CLCNKB: variants seen among roughly 807,000 people sequenced by gnomAD.
The protein encoded by CLCNKB is chloride voltage-gated channel Kb, also known as chloride channel protein ClC-Kb.
Under a neutral mutation model 83.8 loss-of-function variants are expected in CLCNKB, and 74 were observed. That is an observed-to-expected ratio of 0.88 (90% CI 0.73 to 1.07). CLCNKB has a LOEUF of 1.07. CLCNKB is among the 50% of genes least tolerant of loss of function. CLCNKB has a pLI of 0.00. For missense variants in CLCNKB, 798 were observed against 893.6 expected, an observed-to-expected ratio of 0.89 and a Z score of 1.36; for synonymous variants, 358 against 356.6, an observed-to-expected ratio of 1.00 and a Z score of -0.04.
Position 16,053,772 on chromosome 1 carries a change from G to T in CLCNKB, c.1756G>T (p.Glu586Ter). The T allele has an allele frequency of 6.2e-7, 1 of 1,613,762 alleles. No individual in the cohort carries two copies. Residue 586 changes from glutamate to a stop codon, truncating the protein, a stop_gained and splice_region_variant, in exon 16 of 20, where the codon GAG becomes TAG. Transcript: ENST00000375679. LOFTEE classifies it high-confidence loss of function. ...VAKYPLVEST[E>*]SQILVGIVRR... ...CAAGTATCCCCTGGTGGAGAGCACA[G>T]GTGCCCAGCCGGAAGGGAGGAGGAA... is the stretch of plus-strand genomic sequence containing the variant.
intron 8 of CLCNKB, 138 bp from the exon 9 acceptor site, chr1:16,049,480 T>C (rs1570335134): frequency 1.3e-6 from 2 of 1,518,984 alleles, no homozygotes; most frequent in Non-Finnish European, 9.0e-7. Context: ...AGGAGCCTGG[T>C]TGTGGGGGCC....
Position 16,045,571 on chromosome 1 carries a change from G to T in CLCNKB, c.114G>T (p.Trp38Cys). 1 of 1,613,686 alleles carries T rather than the reference G, an allele frequency of 6.2e-7. No homozygotes were observed. The highest frequency in any genetic ancestry group is 8.5e-7 in the Non-Finnish European group (1 of 1,179,694). The change falls in exon 3 of 20, where the codon TGG becomes TGT. Residue 38 changes from tryptophan to cysteine, a missense_variant. By Grantham distance (215) the Trp-to-Cys change is radical. Transcript: ENST00000375679. ...IRRGIRGGLEWLKQKLFRLGE... is the reference protein window; with the variant it reads ...IRRGIRGGLECLKQKLFRLGE... ...GCCCTGCCCCAGGTGGCCTGGAGTG[G>T]CTGAAGCAGAAGCTCTTCCGCCTGG...
chr1:16,046,710 C>T, intron 4 of CLCNKB, 47 bp downstream of exon 4: 1 of 1,607,148 alleles, frequency 6.2e-7, no homozygotes, highest in African/African-American at 1.3e-5. Flanking sequence ...AAAACCTTCT[C>T]AGATCCCAGG....
chr1:16,055,803 G>T (rs762898246), intron 18 of CLCNKB, 45 bp downstream of exon 18: 2 of 1,573,036 alleles, frequency 1.3e-6, no homozygotes, highest in Admixed American at 1.7e-5. Flanking sequence ...GCCTCTGGGT[G>T]GGGGAAGAGC....
rs757576433 is a variant in CLCNKB, at chr1:16,048,041, A to G, written c.495A>G (p.Lys165=). Residue 165 remains lysine (K), a synonymous_variant, in exon 5 of 20, where the codon AAA becomes AAG. Transcript: ENST00000375679. The part of the protein sequence containing the change: ...LACGSTLFLG[K]VGPFVHLSVM... Reference sequence around the variant, plus strand: ...GTGGCAGCACCCTCTTCCTCGGGAAAGTGGTATGGGCAGGGGTGAGGGCAT... The same window carrying G: ...GTGGCAGCACCCTCTTCCTCGGGAAGGTGGTATGGGCAGGGGTGAGGGCAT... 3 of 1,613,400 alleles carry G rather than the reference A, an allele frequency of 1.9e-6. No individual in the cohort carries two copies. The highest frequency in any genetic ancestry group is 2.5e-6 in the Non-Finnish European group (3 of 1,179,664).
intron 18 of CLCNKB, 136 bp from the exon 19 acceptor site, chr1:16,056,286 T>G: frequency 1.1e-6 from 1 of 930,420 alleles, no homozygotes; most frequent in Non-Finnish European, 1.8e-6. Context: ...ACATTGGACA[T>G]TGCAGGCCTG....
chr1:16,056,380 G>T (rs2023440353), intron 18 of CLCNKB, 42 bp from the exon 19 acceptor site: 1 of 1,597,156 alleles, frequency 6.3e-7, no homozygotes, highest in Non-Finnish European at 8.6e-7. Flanking sequence ...GGTGGGCTGG[G>T]CACCTTCTAC....
At chr1:16,050,739 G>T in intron 11 of CLCNKB, 136 bp from the exon 12 acceptor site, 1 of 1,494,184 alleles carries the variant, frequency 6.7e-7, no homozygotes, top group Admixed American at 1.9e-5. Flanking sequence ...ACAGCTTCGG[G>T]AGGTCAGAGC....
At chr1:16,045,507 T>C (rs754143576) in intron 2 of CLCNKB, 51 bp from the exon 3 acceptor site, 7 of 1,606,620 alleles carry the variant, frequency 4.4e-6, no homozygotes, top group Middle Eastern at 1.7e-4. Flanking sequence ...AGGATGGGAC[T>C]GTCTGTGCCT....
chr1:16,048,276 G>T (rs1048940498), intron 5 of CLCNKB, 67 bp from the exon 6 acceptor site: 3 of 1,588,744 alleles, frequency 1.9e-6, no homozygotes, highest in Non-Finnish European at 2.6e-6. Flanking sequence ...GGGAAGCCGT[G>T]CTGACTCTGG....
At chr1:16,044,865 T>C (rs1336493846) in intron 2 of CLCNKB, among the ~76,000 whole-genome samples, 1 of 152,206 alleles carries the variant, frequency 6.6e-6, no homozygotes, top group East Asian at 1.9e-4. Context: ...GGCCTCTCCC[T>C]CACCTACCTG....
intron 2 of CLCNKB, 137 bp from the exon 3 acceptor site, chr1:16,045,421 G>A (rs1425290472): frequency 1.6e-5 from 17 of 1,040,434 alleles, no homozygotes; most frequent in Admixed American, 1.0e-4. Context: ...GGGCCCCCTC[G>A]GGACTACCCC....
rs765397101 is a variant in CLCNKB, at chr1:16,048,580, G to T, written c.653G>T (p.Ser218Ile). The T allele has an allele frequency of 2.3e-5, 37 of 1,613,110 alleles. No homozygotes were observed. The highest frequency in any genetic ancestry group is 5.9e-6 in the Non-Finnish European group (7 of 1,179,612). Residue 218 changes from serine to isoleucine, a missense_variant and splice_region_variant, in exon 7 of 20, where the codon AGC (serine) becomes ATC (isoleucine). Coordinates refer to ENST00000375679, the MANE Select transcript of CLCNKB (RefSeq NM_000085.5). ...GVATVFAAPF[S>I]GVLFSIEVMS... ...GCCACAGTCTTTGCAGCTCCCTTCA[G>T]CGGTGAGACCCCTTCATGCCCCGCC...
intron 2 of CLCNKB, among the ~76,000 whole-genome samples, 194 bp downstream of exon 2, chr1:16,044,786 C>T (rs571505155): frequency 1.6e-4 from 24 of 152,312 alleles, no homozygotes; most frequent in Non-Finnish European, 2.4e-4. Flanking sequence ...TCAGATGGGC[C>T]GGGCATCTGC....
In CLCNKB at chr1:16,045,636, T is replaced by C. The variant is rs771316846; in HGVS notation, c.179T>C (p.Met60Thr). The C allele has an allele frequency of 1.5e-5, 24 of 1,614,080 alleles. No individual in the cohort carries two copies. The highest frequency in any genetic ancestry group is 1.9e-5 in the Non-Finnish European group (23 of 1,179,940). Residue 60 changes from methionine to threonine, a missense_variant, in exon 3 of 20, where the codon ATG becomes ACG. Physicochemically the swap from Met to Thr is moderately conservative, Grantham distance 81. Transcript: ENST00000375679. The stretch of plus-strand genomic sequence containing the variant: ...TTCCTGATGACCCTCGGGGTGCTCA[T>C]GGCCCTGGTCAGCTGTGCCATGGAC... ...WYFLMTLGVL[M>T]ALVSCAMDLA...
chr1:16,048,307 C>T, intron 5 of CLCNKB, 36 bp from the exon 6 acceptor site: 1 of 1,612,370 alleles, frequency 6.2e-7, no homozygotes, highest in Non-Finnish European at 8.5e-7. Flanking sequence ...CTCTGCTGCC[C>T]TCACCTGGGC....
rs1203921542 is a variant in CLCNKB at position 16,049,945 on chromosome 1, T to C, written c.968+29T>C. 3 of 1,243,448 alleles carry C rather than the reference T, an allele frequency of 2.4e-6. No homozygotes were observed. The South Asian group carries it at 4.6e-5, about 19-fold the overall frequency. 77.0% of individuals were successfully genotyped at this position (1,243,448 alleles called of 1,614,324 possible). ...GGCTCCGGGCTAAGGGCTGGGGACC[T>C]CTCAGCGAGCTCCCCCCTCACCGTA... On this transcript the variant is annotated intron_variant, in intron 10 of 19. Coordinates refer to ENST00000375679, the MANE Select transcript of CLCNKB (RefSeq NM_000085.5).
chr1:16,050,618 G>A lies in CLCNKB; in HGVS notation c.1053+18G>A, dbSNP rs779218071. The stretch of plus-strand genomic sequence containing the variant: ...CTTCTCGGGTAAGGGGCCTTGAGTG[G>A]GGTGGCAGGAGTGGGGAAGCCCTAT... On this transcript the variant is annotated intron_variant, in intron 11 of 19. Transcript: ENST00000375679. 1 of 1,612,302 alleles carries A rather than the reference G, an allele frequency of 6.2e-7. No individual in the cohort carries two copies. The highest frequency in any genetic ancestry group is 1.1e-5 in the South Asian group (1 of 91,050).
At chr1:16,052,494 ACGC>A in intron 15 of CLCNKB, 83 bp downstream of exon 15, 2 of 1,568,326 alleles carry the variant, frequency 1.3e-6, no homozygotes, top group Non-Finnish European at 1.7e-6. Flanking sequence ...CGAAAAAGAA[ACGC>A]CACCGTAGCT....
Sources: gnomAD v4.1 joint callset for allele counts (sites outside exome capture counted in the v4.1 genomes callset) on GRCh38, gnomAD v4.1.1 for gene constraint, MANE v1.5 for transcripts, NCBI Gene and HGNC (gene_info 2026-07-23, HGNC 2026-07-21) for gene names.